The following PCDH15 variants were observed in gnomAD, a reference collection of about 807,000 sequenced individuals.
PCDH15 encodes the protein protocadherin-15.
In PCDH15, 129 loss-of-function variants were observed where a neutral mutation model predicts 178.5. The ratio of observed to expected loss-of-function variants is 0.72; its 90% CI spans 0.63 to 0.84. The LOEUF is 0.84. Among genes scored for constraint, PCDH15 ranks in the 40% least tolerant of loss-of-function variants. The pLI, the probability that PCDH15 is intolerant of heterozygous loss-of-function variation, is 0.00. For missense variants in PCDH15, 2,230 were observed against 2,099.9 expected (o/e 1.06, Z -1.21); for synonymous variants, 800 against 732.0 (o/e 1.09, Z -1.50).
rs1017318094 is a variant in PCDH15 at position 54,814,040 on chromosome 10, C to T, written c.-29+83410G>A. 3.9e-5 allele frequency among the ~76,000 whole-genome samples: 6 copies of T among 152,182 alleles called. No individual in the cohort carries two copies. The South Asian group carries it at 6.2e-4, about 16-fold the overall frequency. The stretch of plus-strand genomic sequence containing the variant: ...GAAAAAAATGATTTTAATTCCCAGT[C>T]TACCTCCCACACATATATTATGCCA... On this transcript the variant is annotated intron_variant, in intron 3 of 5. Transcript: ENST00000458638.
chr10:55,284,104 A>C (rs1842805782), intron 1 of PCDH15, among the ~76,000 whole-genome samples: 1 of 152,106 alleles, frequency 6.6e-6, no homozygotes, highest in Admixed American at 6.6e-5. Context: ...TTCCACACAA[A>C]TCCCACATAA....
intron 7 of PCDH15, among the ~76,000 whole-genome samples, chr10:54,319,690 A>G (rs771152071): frequency 6.6e-6 from 1 of 151,366 alleles, no homozygotes; most frequent in Non-Finnish European, 1.5e-5. Flanking sequence ...ATAATTTTTA[A>G]AAGTAATTAT....
intron 2 of PCDH15, among the ~76,000 whole-genome samples, chr10:55,454,642 G>C (rs1042394029): frequency 6.8e-6 from 1 of 147,504 alleles, no homozygotes; most frequent in Non-Finnish European, 1.5e-5. Context: ...AAAATTAGCC[G>C]GATGTGGTGG....
Position 54,799,115 on chromosome 10 carries a change from T to C in PCDH15, c.-29+1810A>G, listed in dbSNP as rs373007688. 7.9e-5 allele frequency among the ~76,000 whole-genome samples: 12 copies of C among 152,250 alleles called. No individual in the cohort carries two copies. In the East Asian group the frequency reaches 1.5e-3, roughly 20 times the overall value. ...CAACATGTATTTGCTTGACGTACGT[T>C]TTGTGATCAAATAATTATAGTGATT... On this transcript the variant is annotated intron_variant, in intron 1 of 37. Coordinates refer to ENST00000644397, the MANE Select transcript of PCDH15 (RefSeq NM_001384140.1).
chr10:54,684,673 G>C (rs2135708451), intron 1 of PCDH15, among the ~76,000 whole-genome samples: 1 of 152,070 alleles, frequency 6.6e-6, no homozygotes, highest in African/African-American at 2.4e-5. Flanking sequence ...TATTTAAGAA[G>C]GGAGGAAATA....
At chr10:54,034,810 T>A (rs1018836554) in intron 18 of PCDH15, among the ~76,000 whole-genome samples, 6 of 151,934 alleles carry the variant, frequency 3.9e-5, no homozygotes, top group African/African-American at 1.4e-4. Context: ...GCAGGCTTTA[T>A]GAAAAGTGCT....
chr10:54,191,409 T>G (rs1233219608), intron 11 of PCDH15, among the ~76,000 whole-genome samples: 1 of 152,096 alleles, frequency 6.6e-6, no homozygotes, highest in Non-Finnish European at 1.5e-5. Context: ...GTGCAACAGA[T>G]GAAAGATTTC....
chr10:53,853,774 A>C (rs1589104394), intron 28 of PCDH15, among the ~76,000 whole-genome samples: 1 of 152,116 alleles, frequency 6.6e-6, no homozygotes, highest in Admixed American at 6.6e-5. Context: ...GAACCAGAAA[A>C]TAAAAAGTGT....
intron 18 of PCDH15, among the ~76,000 whole-genome samples, chr10:54,058,067 T>C (rs187787292): frequency 6.9e-4 from 105 of 152,282 alleles, no homozygotes; most frequent in Non-Finnish European, 1.0e-3. Context: ...GTTCCAAACA[T>C]TCCCTCATCT....
chr10:55,007,160 G>A (rs892049459), intron 2 of PCDH15, among the ~76,000 whole-genome samples: 1 of 152,244 alleles, frequency 6.6e-6, no homozygotes, highest in East Asian at 1.9e-4. Context: ...TTCCTGTGCA[G>A]CCTACAGAAC....
intron 10 of PCDH15, among the ~76,000 whole-genome samples, chr10:54,213,455 GA>G (rs553107823): frequency 2.2e-4 from 33 of 152,146 alleles, no homozygotes; most frequent in African/African-American, 7.7e-4. Flanking sequence ...GACATATATT[GA>G]AAGCATCTTT....
chr10:54,326,068 A>G (rs1220258642), intron 7 of PCDH15, among the ~76,000 whole-genome samples: 1 of 152,186 alleles, frequency 6.6e-6, no homozygotes, highest in Non-Finnish European at 1.5e-5. Flanking sequence ...ACAACCAGCT[A>G]TCAGATAAGT....
At chr10:54,781,301 G>A (rs1035996521) in intron 1 of PCDH15, among the ~76,000 whole-genome samples, 4 of 151,950 alleles carry the variant, frequency 2.6e-5, no homozygotes, top group Non-Finnish European at 4.4e-5. Flanking sequence ...TTCTCCTAAT[G>A]TTATCCCTCC....
intron 26 of PCDH15, among the ~76,000 whole-genome samples, chr10:53,871,978 T>A (rs1185730548): frequency 6.6e-6 from 1 of 152,156 alleles, no homozygotes; most frequent in Non-Finnish European, 1.5e-5. Flanking sequence ...AAACCCCGTC[T>A]CTACTAAAAA....
At chr10:55,032,496 C>T (rs1840636637) in intron 2 of PCDH15, among the ~76,000 whole-genome samples, 1 of 152,104 alleles carries the variant, frequency 6.6e-6, no homozygotes, top group African/African-American at 2.4e-5. Flanking sequence ...GTTATTTATA[C>T]CCTGCTTCTC....
intron 2 of PCDH15, among the ~76,000 whole-genome samples, chr10:55,543,512 C>T (rs1351024447): frequency 1.3e-5 from 2 of 151,282 alleles, no homozygotes; most frequent in African/African-American, 4.8e-5. Context: ...TCTATCAGTA[C>T]TTGATTGCTA....
At chr10:54,112,404 G>A (rs746367153) in intron 15 of PCDH15, among the ~76,000 whole-genome samples, 2 of 151,996 alleles carry the variant, frequency 1.3e-5, no homozygotes, top group Non-Finnish European at 2.9e-5. Flanking sequence ...GTCTCCAGGT[G>A]GGGGGTGGGG....
chr10:54,671,013 T>C (rs1036650987), intron 1 of PCDH15, among the ~76,000 whole-genome samples: 1 of 152,110 alleles, frequency 6.6e-6, no homozygotes, highest in African/African-American at 2.4e-5. Context: ...TCTCAGTCTT[T>C]TAGATAAATA....
chr10:55,252,036 G>A (rs1012177790), intron 1 of PCDH15, among the ~76,000 whole-genome samples: 15 of 152,254 alleles, frequency 9.9e-5, no homozygotes, highest in Admixed American at 3.3e-4. Context: ...AGGGAGATGA[G>A]GAAGTGCTCA....
Sources: allele counts gnomAD v4.1 joint callset (sites outside exome capture counted in the v4.1 genomes callset), GRCh38; gene constraint gnomAD v4.1.1; transcripts MANE v1.5; gene names NCBI Gene and HGNC (gene_info 2026-07-23, HGNC 2026-07-21).